COL4A3: variants seen among roughly 807,000 people sequenced by gnomAD.
COL4A3 encodes collagen type IV alpha 3 chain, also known as collagen alpha-3(IV) chain.
In COL4A3, 135 loss-of-function variants were observed where a neutral mutation model predicts 217.4. That is an observed-to-expected ratio of 0.62 (90% confidence interval 0.54 to 0.72). COL4A3 has a LOEUF of 0.72. Among genes scored for constraint, COL4A3 ranks in the 30% least tolerant of loss-of-function variants. The pLI is 0.00. For synonymous variants in COL4A3, 690 were observed against 736.3 expected, an observed-to-expected ratio of 0.94 and a Z score of 1.02; for missense variants, 1,868 against 2,119.9, an observed-to-expected ratio of 0.88 and a Z score of 2.33.
At chr2:227,288,127 G>A (rs901439535) in intron 34 of COL4A3, among the ~76,000 whole-genome samples, 3 of 152,092 alleles carry the variant, frequency 2.0e-5, no homozygotes, top group South Asian at 2.1e-4. Context: ...ACGGAGTCTC[G>A]CTCTGTCACC....
chr2:227,267,873 C>T (rs951381313), intron 23 of COL4A3, among the ~76,000 whole-genome samples: 4 of 152,156 alleles, frequency 2.6e-5, no homozygotes, highest in African/African-American at 9.7e-5. Context: ...CTCTTGACAA[C>T]TGTGTGCCAG....
intron 47 of COL4A3, among the ~76,000 whole-genome samples, chr2:227,307,477 C>T (rs1377997539): frequency 6.6e-6 from 1 of 152,160 alleles, no homozygotes; most frequent in Non-Finnish European, 1.5e-5. Context: ...AGATAAAGAC[C>T]TGATCTCAAA....
Position 227,312,926 on chromosome 2 carries a change from T to TA in COL4A3, c.*1070dup, listed in dbSNP as rs11297279. 0.052 allele frequency: 7,536 copies of TA among 145,422 alleles called. 218 individuals are homozygous for TA. The highest frequency in any genetic ancestry group is 0.067 in the Non-Finnish European group (4,410 of 66,186). 9.0% of individuals were successfully genotyped at this position (145,422 alleles called of 1,614,324 possible). A position where few individuals can be genotyped will look rare whatever the true frequency, so the allele number is the denominator to read the frequency against. On this transcript the variant is annotated 3_prime_UTR_variant, in exon 52 of 52. Coordinates refer to ENST00000396578, the MANE Select transcript of COL4A3 (RefSeq NM_000091.5). ...TGTTACTTCTCTAATTCTTCCTTTG[T>TA]AAAAAAAAAAAAAAGCAACACTTTT...
In COL4A3 at chr2:227,219,047, T is replaced by C. The variant is rs557539285; in HGVS notation, c.88-18921T>C. Among the ~76,000 whole-genome samples the C allele has an allele frequency of 6.6e-5, 10 of 151,854 alleles. No individual in the cohort carries two copies. In the East Asian group the frequency reaches 1.9e-3, roughly 29 times the overall value. On this transcript the variant is annotated intron_variant, in intron 1 of 51. Transcript: ENST00000396578. The stretch of plus-strand genomic sequence containing the variant: ...TCTCGCTCTGTCCCCCAGGCTGGAG[T>C]GCAATGGCACAATCATGGCTCACTG...
rs56991885 is a variant in COL4A3 at position 227,253,406 on chromosome 2, G to T, written c.687+69G>T. 8 of 1,544,818 alleles carry T rather than the reference G, an allele frequency of 5.2e-6. No homozygotes were observed. In the South Asian group the frequency reaches 6.7e-5, roughly 13 times the overall value. ...GTCCCAGAGCATATCAGCCTATACC[G>T]TTTACTTACGGGCCAAGCTGAAATT... On this transcript the variant is annotated intron_variant, in intron 12 of 51. Transcript: ENST00000396578. The surrounding 1 kb of genome is among the most constrained non-coding windows in gnomAD (Gnocchi z 4.4).
At chr2:227,216,719 T>C (rs72976001) in intron 1 of COL4A3, among the ~76,000 whole-genome samples, 7,337 of 152,244 alleles carry the variant, frequency 0.048, 236 homozygotes, top group Non-Finnish European at 0.068. Flanking sequence ...TCAACAAATA[T>C]TTCTTAAGTA....
chr2:227,280,351 A>C, intron 29 of COL4A3, 89 bp from the exon 30 acceptor site: 1 of 1,460,346 alleles, frequency 6.8e-7, no homozygotes. Flanking sequence ...TGGCTGTGCA[A>C]CAGGGACTTA....
rs2071889322 is a variant in COL4A3 at position 227,280,526 on chromosome 2, TGGACTCCCTGGACTTCCA to T, written c.2313_2330del (p.Leu775_Gly780del). The T allele has an allele frequency of 8.1e-6, 13 of 1,614,050 alleles. No homozygotes were observed. The highest frequency in any genetic ancestry group is 1.1e-5 in the Non-Finnish European group (13 of 1,179,974). ...GCAATTCTGGGGAACATGGAGAAAT[TGGACTCCCTGGACTTCCA>T]GGTCTCCCTGGAACTCCAGGAAATG... On this transcript the variant is annotated inframe_deletion, in exon 30 of 52. Coordinates refer to ENST00000396578, the MANE Select transcript of COL4A3 (RefSeq NM_000091.5).
At chr2:227,229,272 A>G (rs2068261707) in intron 1 of COL4A3, among the ~76,000 whole-genome samples, 1 of 152,188 alleles carries the variant, frequency 6.6e-6, no homozygotes, top group African/African-American at 2.4e-5. Flanking sequence ...CCTTTCTTGG[A>G]TAAGCATCAA....
intron 29 of COL4A3, 31 bp downstream of exon 29, chr2:227,279,921 G>A (rs1320954740): frequency 6.6e-7 from 1 of 1,517,268 alleles, no homozygotes; most frequent in Admixed American, 1.9e-5. Context: ...TCACAGAAGA[G>A]AGGGTGGGTG....
Position 227,282,275 on chromosome 2 carries a change from A to ATATATATATATATATATATATATAT in COL4A3, c.2489-90_2489-89insTATATATATATATATATATATATAT, listed in dbSNP as rs1559896717. The ATATATATATATATATATATATATAT allele has an allele frequency of 2.4e-5, 8 of 334,840 alleles. No homozygotes were observed. The highest frequency in any genetic ancestry group is 2.0e-4 in the African/African-American group (8 of 39,822). 20.7% of individuals were successfully genotyped at this position (334,840 alleles called of 1,614,324 possible). On this transcript the variant is annotated intron_variant, in intron 31 of 51. Transcript: ENST00000396578. This position sits in a 1 kb window ranked among gnomAD's most constrained non-coding sequence, Gnocchi z 4.4. ...AGACAGAGGGAGATTCCATCTTAAA[A>ATATATATATATATATATATATATAT]ATATATATATATATATATATATATA...
At chr2:227,309,422 G>A (rs960860551) in intron 50 of COL4A3, 104 bp downstream of exon 50, 17 of 847,506 alleles carry the variant, frequency 2.0e-5, no homozygotes, top group Admixed American at 4.0e-5. Flanking sequence ...CCTGCTGTCC[G>A]TGTGTGCAAC....
chr2:227,186,460 C>T lies in COL4A3; in HGVS notation c.87+21647C>T, dbSNP rs1289966207. Among the ~76,000 whole-genome samples, 3 of 152,300 alleles carry T rather than the reference C, an allele frequency of 2.0e-5. No individual in the cohort carries two copies. In the South Asian group the frequency reaches 6.2e-4, roughly 32 times the overall value. On this transcript the variant is annotated intron_variant, in intron 1 of 51. Transcript: ENST00000396578. ...TCATCTCTGCTCTCCCGAGGCCAGG[C>T]TAGTGTGGGGAACAGCTAATAGTGA... is the stretch of plus-strand genomic sequence containing the variant.
chr2:227,261,024 G>A (rs1186805759), intron 19 of COL4A3, 58 bp from the exon 20 acceptor site: 23 of 1,426,898 alleles, frequency 1.6e-5, no homozygotes, highest in Admixed American at 1.0e-4. Context: ...GATTCCAAAA[G>A]TGGATGGGAC....
chr2:227,311,525 G>A (rs762755944), intron 51 of COL4A3, among the ~76,000 whole-genome samples: 21 of 151,944 alleles, frequency 1.4e-4, no homozygotes, highest in African/African-American at 2.9e-4. Context: ...GATTACAGGC[G>A]TATGCCACGA....
chr2:227,186,449 C>T (rs2066036194), intron 1 of COL4A3, among the ~76,000 whole-genome samples: 1 of 152,170 alleles, frequency 6.6e-6, no homozygotes, highest in African/African-American at 2.4e-5. Context: ...CTCTGCTCTC[C>T]CGAGGCCAGG....
At chr2:227,288,061 G>A (rs2072448166) in intron 34 of COL4A3, among the ~76,000 whole-genome samples, 1 of 152,148 alleles carries the variant, frequency 6.6e-6, no homozygotes, top group South Asian at 2.1e-4. Flanking sequence ...GAAAGAGTTT[G>A]CAATTTACTC....
At chr2:227,225,484 T>C (rs574470482) in intron 1 of COL4A3, among the ~76,000 whole-genome samples, 31 of 152,128 alleles carry the variant, frequency 2.0e-4, no homozygotes, top group Non-Finnish European at 4.3e-4. Flanking sequence ...TTAGTTTACT[T>C]TCACCTCTCA....
At position 227,310,963 on chromosome 2, in the gene COL4A3, T is replaced by C. The variant is rs2073718752; in HGVS notation, c.4928+15T>C. The C allele has an allele frequency of 6.2e-7, 1 of 1,612,592 alleles. No homozygotes were observed. The highest frequency in any genetic ancestry group is 8.5e-7 in the Non-Finnish European group (1 of 1,179,874). ...AGAATGTTCAGGTAACTATTCACCA[T>C]CAAGCTTAATCTGATGACTCAATTG... On this transcript the variant is annotated intron_variant, in intron 51 of 51. Coordinates refer to ENST00000396578, the MANE Select transcript of COL4A3 (RefSeq NM_000091.5).
Sources: allele counts gnomAD v4.1 joint callset (sites outside exome capture counted in the v4.1 genomes callset), GRCh38; gene constraint gnomAD v4.1.1; non-coding constraint Gnocchi (gnomAD v3.1); transcripts MANE v1.5; gene names NCBI Gene and HGNC (gene_info 2026-07-23, HGNC 2026-07-21).